The following TTC28 variants were observed in gnomAD, a reference collection of about 807,000 sequenced individuals.
TTC28 encodes tetratricopeptide repeat domain 28, also known as tetratricopeptide repeat protein 28.
TTC28 carries 61 observed loss-of-function variants against 198.0 expected under a neutral mutation model. The observed-to-expected ratio is 0.31, with a 90% CI of 0.25 to 0.38. The LOEUF (loss-of-function observed/expected upper bound fraction) is 0.38. TTC28 is among the 10% of genes least tolerant of loss of function. The probability of loss-of-function intolerance (pLI) is 1.00; values close to 1 mark genes in which losing one functional copy is unlikely to be tolerated. For missense variants in TTC28, 2,678 were observed against 3,164.0 expected (o/e 0.85, Z 3.69); for synonymous variants, 1,171 against 1,297.8 (o/e 0.90, Z 2.10).
intron 6 of TTC28, among the ~76,000 whole-genome samples, chr22:28,161,741 G>GACAGC (rs1921214627): frequency 6.9e-6 from 1 of 144,968 alleles, no homozygotes; most frequent in African/African-American, 2.5e-5. Flanking sequence ...GACAGGACAG[G>GACAGC]ACAGGACAGG....
chr22:28,460,688 C>T (rs2047938196), intron 2 of TTC28, among the ~76,000 whole-genome samples: 1 of 151,580 alleles, frequency 6.6e-6, no homozygotes, highest in Non-Finnish European at 1.5e-5. Flanking sequence ...GATAGATAGG[C>T]AGGCAGGCAG....
At chr22:27,996,303 C>T (rs1204498306) in intron 16 of TTC28, 44 bp from the exon 17 acceptor site, 3 of 1,536,172 alleles carry the variant, frequency 2.0e-6, no homozygotes, top group East Asian at 4.9e-5. Context: ...CAGCTGGAGA[C>T]CCCCAGCCCC....
At chr22:28,313,798 G>C (rs2045307459) in intron 2 of TTC28, among the ~76,000 whole-genome samples, 1 of 152,106 alleles carries the variant, frequency 6.6e-6, no homozygotes, top group Non-Finnish European at 1.5e-5. Flanking sequence ...TTGAAAACTG[G>C]CACAAGACAA....
chr22:28,181,502 A>T (rs968102378), intron 5 of TTC28, among the ~76,000 whole-genome samples: 2 of 152,214 alleles, frequency 1.3e-5, no homozygotes, highest in Non-Finnish European at 2.9e-5. Flanking sequence ...ATTACACCAT[A>T]AAAACTGCCA....
At chr22:28,209,584 G>T (rs1186470455) in intron 5 of TTC28, among the ~76,000 whole-genome samples, 4 of 152,182 alleles carry the variant, frequency 2.6e-5, no homozygotes, top group Non-Finnish European at 4.4e-5. Flanking sequence ...CAGCGAGGCT[G>T]GGGGAGGGGC....
At chr22:28,033,135 C>T (rs560655551) in intron 12 of TTC28, among the ~76,000 whole-genome samples, 12 of 152,296 alleles carry the variant, frequency 7.9e-5, no homozygotes, top group African/African-American at 1.4e-4. Flanking sequence ...TATCAGCCTC[C>T]ATTATCTTGC....
chr22:28,004,535 C>CT (rs1413899993), intron 14 of TTC28, among the ~76,000 whole-genome samples: 1 of 152,214 alleles, frequency 6.6e-6, no homozygotes, highest in Non-Finnish European at 1.5e-5. Flanking sequence ...TGCATCATGC[C>CT]TAGGAGCTGG....
intron 5 of TTC28, among the ~76,000 whole-genome samples, chr22:28,283,690 C>G (rs751023465): frequency 6.6e-6 from 1 of 152,094 alleles, no homozygotes; most frequent in Non-Finnish European, 1.5e-5. Flanking sequence ...AAAGATTTTT[C>G]ATGTGAAAGG....
intron 12 of TTC28, among the ~76,000 whole-genome samples, chr22:28,069,657 C>G (rs1940885790): frequency 6.6e-6 from 1 of 152,130 alleles, no homozygotes; most frequent in Admixed American, 6.6e-5. Flanking sequence ...TCTGGATTCT[C>G]TTGCCTGTTT....
Position 27,983,223 on chromosome 22 carries a change from T to C in TTC28, c.6444A>G (p.Lys2148=). The change falls in exon 23 of 23, where the codon AAA becomes AAG. Residue 2148 remains lysine (K), a synonymous_variant. Transcript: ENST00000397906. The part of the protein sequence containing the change: ...QSSTETDSTV[K]SQEESNPKLD... Reference sequence around the variant, plus strand: ...GTTTTGGGTTGCTTTCTTCTTGGGATTTCACGGTACTGTCCGTTTCTGTGC... The same window carrying C: ...GTTTTGGGTTGCTTTCTTCTTGGGACTTCACGGTACTGTCCGTTTCTGTGC... The C allele has an allele frequency of 2.6e-6, 4 of 1,551,918 alleles. No homozygotes were observed. The highest frequency in any genetic ancestry group is 3.5e-6 in the Non-Finnish European group (4 of 1,147,044).
At position 28,194,205 on chromosome 22, in the gene TTC28, A is replaced by G. The variant is rs1050081710; in HGVS notation, c.934-30606T>C. Reference sequence around the variant, plus strand: ...CTACTGGGTACATAACAAAATGAAGACAGAAATAAAGATGTTCTTTGAAAC... The same window carrying G: ...CTACTGGGTACATAACAAAATGAAGGCAGAAATAAAGATGTTCTTTGAAAC... On this transcript the variant is annotated intron_variant, in intron 5 of 22. Coordinates refer to ENST00000397906, the MANE Select transcript of TTC28 (RefSeq NM_001145418.2). Among the ~76,000 whole-genome samples the G allele has an allele frequency of 6.7e-4, 102 of 152,056 alleles. No homozygotes were observed. The South Asian group carries it at 0.01, about 15-fold the overall frequency.
chr22:28,068,326 G>C (rs1940839211), intron 12 of TTC28, among the ~76,000 whole-genome samples: 1 of 152,070 alleles, frequency 6.6e-6, no homozygotes, highest in South Asian at 2.1e-4. Flanking sequence ...CAATTTTCTT[G>C]TTTCAAAAAG....
chr22:28,009,312 C>T (rs942385337), intron 14 of TTC28, among the ~76,000 whole-genome samples: 8 of 152,230 alleles, frequency 5.3e-5, no homozygotes, highest in Non-Finnish European at 8.8e-5. Context: ...AATAGGACTG[C>T]GGCTAAACAA....
intron 14 of TTC28, among the ~76,000 whole-genome samples, chr22:28,003,224 G>A (rs1416700036): frequency 6.6e-6 from 1 of 152,112 alleles, no homozygotes; most frequent in East Asian, 1.9e-4. Context: ...GGTGGCTCAG[G>A]GGGCTGCTCT....
intron 2 of TTC28, among the ~76,000 whole-genome samples, chr22:28,386,226 G>A (rs1392533358): frequency 1.6e-5 from 2 of 122,170 alleles, no homozygotes; most frequent in Non-Finnish European, 3.2e-5. Flanking sequence ...AGTGAGCCGA[G>A]ATCCCGCCAC....
intron 12 of TTC28, among the ~76,000 whole-genome samples, chr22:28,066,173 T>C (rs1383920219): frequency 6.6e-6 from 1 of 152,148 alleles, no homozygotes; most frequent in Non-Finnish European, 1.5e-5. Context: ...AAATTGTATA[T>C]ATTCAAAGTG....
chr22:28,175,714 C>G (rs991849586), intron 5 of TTC28, among the ~76,000 whole-genome samples: 1 of 151,870 alleles, frequency 6.6e-6, no homozygotes, highest in Non-Finnish European at 1.5e-5. Context: ...GCCTGGGCAA[C>G]AAGAGCAAAA....
chr22:28,025,308 A>G (rs113100915), intron 13 of TTC28, among the ~76,000 whole-genome samples: 1,703 of 152,336 alleles, frequency 0.011, 17 homozygotes, highest in African/African-American at 0.019. Flanking sequence ...TCTCGTCATC[A>G]TTAACCTTAT....
intron 2 of TTC28, among the ~76,000 whole-genome samples, chr22:28,514,217 G>C (rs768749738): frequency 1.3e-5 from 2 of 152,150 alleles, no homozygotes; most frequent in Non-Finnish European, 2.9e-5. Flanking sequence ...ATTAGAGCAT[G>C]TCTTAAATAA....
Sources: gnomAD v4.1 joint callset for allele counts (sites outside exome capture counted in the v4.1 genomes callset) on GRCh38, gnomAD v4.1.1 for gene constraint, MANE v1.5 for transcripts, NCBI Gene and HGNC (gene_info 2026-07-23, HGNC 2026-07-21) for gene names.